P3H2: variants seen among roughly 807,000 people sequenced by gnomAD.
P3H2 encodes the protein prolyl 3-hydroxylase 2, also known as leprecan-like 1.
A neutral mutation model predicts 87.0 loss-of-function variants in P3H2; 80 were observed. The observed-to-expected ratio is 0.92, with a 90% CI of 0.77 to 1.11. The LOEUF (loss-of-function observed/expected upper bound fraction) is 1.11, where lower values mean the gene tolerates loss of function less well. P3H2 is among the 50% of genes least tolerant of loss of function. The probability of loss-of-function intolerance (pLI) is 0.00; values close to 1 mark genes in which losing one functional copy is unlikely to be tolerated. For missense variants in P3H2, 1,001 were observed against 923.9 expected (o/e 1.08, Z -1.08); for synonymous variants, 367 against 359.3 (o/e 1.02, Z -0.24).
At chr3:190,018,302 G>C (rs1272402946) in intron 1 of P3H2, among the ~76,000 whole-genome samples, 1 of 152,132 alleles carries the variant, frequency 6.6e-6, no homozygotes, top group Non-Finnish European at 1.5e-5. Flanking sequence ...TGGTTATCAT[G>C]TATTGTGCCA....
intron 1 of P3H2, among the ~76,000 whole-genome samples, chr3:190,054,994 C>T (rs1726104132): frequency 1.3e-5 from 2 of 152,176 alleles, no homozygotes; most frequent in Admixed American, 1.3e-4. Context: ...ATTCCATGTT[C>T]ATTAGGCCTC....
chr3:190,096,167 C>T (rs1727579943), intron 1 of P3H2, among the ~76,000 whole-genome samples: 2 of 152,166 alleles, frequency 1.3e-5, no homozygotes, highest in Admixed American at 1.3e-4. Context: ...GACCTAGGCC[C>T]ATACAACTGC....
At chr3:190,084,686 C>G (rs1406533186) in intron 1 of P3H2, among the ~76,000 whole-genome samples, 1 of 152,074 alleles carries the variant, frequency 6.6e-6, no homozygotes, top group Non-Finnish European at 1.5e-5. Context: ...TGCGAAATGC[C>G]TTTATTCCAT....
At chr3:189,995,500 G>A in intron 1 of P3H2, 58 bp from the exon 2 acceptor site, 2 of 1,518,582 alleles carry the variant, frequency 1.3e-6, no homozygotes, top group East Asian at 2.4e-5. Flanking sequence ...CACACTCAGA[G>A]AAATACAAAG....
At chr3:190,073,454 C>G (rs186402482) in intron 1 of P3H2, among the ~76,000 whole-genome samples, 1 of 152,104 alleles carries the variant, frequency 6.6e-6, no homozygotes, top group African/African-American at 2.4e-5. Context: ...AGCTTCCGGG[C>G]GATTCTGAGC....
intron 1 of P3H2, among the ~76,000 whole-genome samples, chr3:190,114,035 T>G (rs112018736): frequency 0.063 from 6,767 of 107,168 alleles, 295 homozygotes; most frequent in Middle Eastern, 0.12. Context: ...AGCCGAGATG[T>G]CGCCACCACA....
At chr3:190,047,726 G>T (rs1725849621) in intron 1 of P3H2, among the ~76,000 whole-genome samples, 1 of 152,116 alleles carries the variant, frequency 6.6e-6, no homozygotes, top group South Asian at 2.1e-4. Context: ...CTAAAAAATT[G>T]ATCTCATAGA....
chr3:190,121,182 A>G (rs1443653987), upstream of P3H2: 1 of 157,676 alleles, frequency 6.3e-6, no homozygotes, highest in Non-Finnish European at 1.4e-5. Flanking sequence ...GGCCTTAATC[A>G]TATTCTGGAA....
chr3:190,119,073 C>G (rs1712410879), intron 1 of P3H2, among the ~76,000 whole-genome samples: 1 of 145,592 alleles, frequency 6.9e-6, no homozygotes, highest in Admixed American at 7.2e-5. Flanking sequence ...CCACTGCACT[C>G]CAGCCTGGGT....
intron 1 of P3H2, among the ~76,000 whole-genome samples, chr3:190,086,674 A>G (rs1727221477): frequency 6.6e-6 from 1 of 152,154 alleles, no homozygotes; most frequent in Non-Finnish European, 1.5e-5. Context: ...GACACACCAT[A>G]CCTCAGTTAG....
intron 1 of P3H2, among the ~76,000 whole-genome samples, chr3:190,118,708 G>A (rs543536908): frequency 1.3e-5 from 2 of 152,154 alleles, no homozygotes; most frequent in South Asian, 4.2e-4. Flanking sequence ...GCCAATCTGA[G>A]AGAACCCTAC....
At chr3:190,088,913 G>C (rs1007333403) in intron 1 of P3H2, among the ~76,000 whole-genome samples, 2 of 152,038 alleles carry the variant, frequency 1.3e-5, no homozygotes, top group Non-Finnish European at 2.9e-5. Flanking sequence ...CCTACCTATA[G>C]CACACTTTAA....
Position 190,111,243 on chromosome 3 carries a change from A to T in P3H2, c.480+9009T>A, listed in dbSNP as rs146130674. Among the ~76,000 whole-genome samples, 200 of 152,346 alleles carry T rather than the reference A, an allele frequency of 1.3e-3. 3 individuals carry two copies. Among genetic ancestry groups the T allele is most frequent in the East Asian group, 5.8e-4 (3 of 5,192 alleles). ...TATTTCAGGGTCTCTTTCATTTGGC[A>T]TATAATGCAAGTGGCATGCTGTGTG... On this transcript the variant is annotated intron_variant, in intron 1 of 14. Transcript: ENST00000319332.
intron 3 of P3H2, 22 bp from the exon 4 acceptor site, chr3:189,989,060 G>C (rs774131430): frequency 6.2e-7 from 1 of 1,613,834 alleles, no homozygotes; most frequent in African/African-American, 1.3e-5. Context: ...GAGCCAATAC[G>C]TGTGTTCCTC....
At chr3:190,050,648 T>C in intron 1 of P3H2, among the ~76,000 whole-genome samples, 1 of 152,198 alleles carries the variant, frequency 6.6e-6, no homozygotes, top group East Asian at 1.9e-4. Context: ...TGTGTATATA[T>C]GAGTTTTTTG....
chr3:189,976,095 C>A (rs1210050980), intron 8 of P3H2, among the ~76,000 whole-genome samples: 6 of 152,136 alleles, frequency 3.9e-5, no homozygotes, highest in African/African-American at 1.4e-4. Flanking sequence ...TAAAAAGCTA[C>A]CTTCCACATG....
At chr3:190,002,601 G>A (rs191710376) in intron 1 of P3H2, among the ~76,000 whole-genome samples, 3 of 152,010 alleles carry the variant, frequency 2.0e-5, no homozygotes, top group African/African-American at 7.2e-5. Flanking sequence ...GAGTTTCACC[G>A]TGTTGGCCAA....
chr3:190,057,702 C>T (rs11716273), intron 1 of P3H2, among the ~76,000 whole-genome samples: 44,273 of 151,982 alleles, frequency 0.29, 6,591 homozygotes, highest in Middle Eastern at 0.36. Flanking sequence ...GGTGTGGCCT[C>T]TGTTTTAGAC....
At chr3:189,980,532 CA>C (rs1201712860) in intron 8 of P3H2, among the ~76,000 whole-genome samples, 1 of 151,430 alleles carries the variant, frequency 6.6e-6, no homozygotes, top group Non-Finnish European at 1.5e-5. Flanking sequence ...CACTGCACTC[CA>C]GCCTGGGGGA....
Sources: allele counts gnomAD v4.1 joint callset (sites outside exome capture counted in the v4.1 genomes callset), GRCh38; gene constraint gnomAD v4.1.1; transcripts MANE v1.5; gene names NCBI Gene and HGNC (gene_info 2026-07-23, HGNC 2026-07-21).